Variants in DPF3 observed in about 807,000 individuals in gnomAD.
The protein encoded by DPF3 is zinc finger protein DPF3.
A neutral mutation model predicts 56.8 loss-of-function variants in DPF3; 18 were observed. The ratio of observed to expected loss-of-function variants is 0.32; its 90% CI spans 0.22 to 0.47. The LOEUF is 0.47. Among genes scored for constraint, DPF3 ranks in the 20% least tolerant of loss-of-function variants. The pLI, the probability that DPF3 is intolerant of heterozygous loss-of-function variation, is 1.00. For missense variants in DPF3, 403 were observed against 488.8 expected, an observed-to-expected ratio of 0.82 and a Z score of 1.65; for synonymous variants, 188 against 180.2, an observed-to-expected ratio of 1.04 and a Z score of -0.35.
At chr14:72,725,502 C>T (rs1305511496) in intron 4 of DPF3, among the ~76,000 whole-genome samples, 4 of 151,984 alleles carry the variant, frequency 2.6e-5, no homozygotes, top group Non-Finnish European at 5.9e-5. Flanking sequence ...GAGAGGAACA[C>T]GGCTTGTCCA....
chr14:72,875,770 G>A (rs1670735781), intron 1 of DPF3, among the ~76,000 whole-genome samples: 1 of 67,470 alleles, frequency 1.5e-5, no homozygotes, highest in African/African-American at 3.1e-5. Context: ...GGCATTTCTG[G>A]AAGGAAGTGG....
At chr14:72,777,369 C>T (rs562867509) in intron 1 of DPF3, among the ~76,000 whole-genome samples, 38 of 152,286 alleles carry the variant, frequency 2.5e-4, no homozygotes, top group East Asian at 5.8e-4. Flanking sequence ...TGGCAAGGTG[C>T]GGGAAAGTTT....
chr14:72,861,757 A>AAGAAAGAAAGAAAGAC (rs1885431579), intron 1 of DPF3, among the ~76,000 whole-genome samples: 1 of 146,646 alleles, frequency 6.8e-6, no homozygotes. Flanking sequence ...GAAAGAAAGA[A>AAGAAAGAAAGAAAGAC]AGAAAGAAAG....
chr14:72,826,934 C>T (rs1022689015), intron 1 of DPF3, among the ~76,000 whole-genome samples: 2 of 151,594 alleles, frequency 1.3e-5, no homozygotes, highest in African/African-American at 2.4e-5. Context: ...CCCAGCTACT[C>T]GGGAGGCTGA....
intron 6 of DPF3, among the ~76,000 whole-genome samples, chr14:72,699,226 T>G (rs1399967458): frequency 6.6e-6 from 1 of 151,982 alleles, no homozygotes; most frequent in Non-Finnish European, 1.5e-5. Context: ...TTTTAAAAAT[T>G]TGTTTAGAAA....
chr14:72,823,887 A>G (rs1472162610), intron 1 of DPF3, among the ~76,000 whole-genome samples: 1 of 152,210 alleles, frequency 6.6e-6, no homozygotes, highest in African/African-American at 2.4e-5. Context: ...TAGGGAGCTC[A>G]GAAAATGCTA....
intron 8 of DPF3, among the ~76,000 whole-genome samples, 170 bp from the exon 9 acceptor site, chr14:72,629,906 A>C (rs994759): frequency 0.47 from 71,643 of 152,000 alleles, 17,485 homozygotes; most frequent in East Asian, 0.83. Flanking sequence ...TTCACCACCC[A>C]GTTATTCAGA....
At chr14:72,743,466 A>T (rs1384668004) in intron 3 of DPF3, among the ~76,000 whole-genome samples, 1 of 152,120 alleles carries the variant, frequency 6.6e-6, no homozygotes, top group South Asian at 2.1e-4. Context: ...AATGAAGATA[A>T]TATCTGTCCT....
intron 1 of DPF3, among the ~76,000 whole-genome samples, chr14:72,787,679 A>G (rs1485401998): frequency 6.6e-6 from 1 of 152,220 alleles, no homozygotes; most frequent in Non-Finnish European, 1.5e-5. Context: ...TGCTTGGCTG[A>G]TAAATGATAA....
intron 8 of DPF3, 63 bp downstream of exon 8, chr14:72,674,177 G>A (rs1194410684): frequency 7.7e-6 from 12 of 1,551,714 alleles, no homozygotes; most frequent in Middle Eastern, 1.8e-4. Context: ...CAAGATGGAA[G>A]AGGAATGCAA....
At chr14:72,673,214 T>C (rs1886766753) in intron 8 of DPF3, among the ~76,000 whole-genome samples, 2 of 152,188 alleles carry the variant, frequency 1.3e-5, no homozygotes, top group Admixed American at 6.5e-5. Context: ...AGGAAAGAGC[T>C]GAGTTGCTAC....
At chr14:72,727,978 A>G (rs1173161609) in intron 4 of DPF3, among the ~76,000 whole-genome samples, 1 of 152,196 alleles carries the variant, frequency 6.6e-6, no homozygotes, top group Non-Finnish European at 1.5e-5. Context: ...TTCAGTTTAC[A>G]TAGGAGATGA....
At chr14:72,778,483 C>T (rs998597820) in intron 1 of DPF3, among the ~76,000 whole-genome samples, 1 of 152,218 alleles carries the variant, frequency 6.6e-6, no homozygotes, top group African/African-American at 2.4e-5. Flanking sequence ...AGAGCTCCCA[C>T]TGATTCTACA....
chr14:72,793,961 C>T (rs1286857939), intron 1 of DPF3, among the ~76,000 whole-genome samples: 4 of 152,196 alleles, frequency 2.6e-5, no homozygotes, highest in Non-Finnish European at 5.9e-5. Flanking sequence ...ATCCAAATGG[C>T]CAGTAAACAT....
At chr14:72,750,070 T>A (rs1890503167) in intron 3 of DPF3, among the ~76,000 whole-genome samples, 1 of 152,298 alleles carries the variant, frequency 6.6e-6, no homozygotes, top group South Asian at 2.1e-4. Context: ...GAATTCCAAC[T>A]ATCTCTTGGT....
intron 9 of DPF3, among the ~76,000 whole-genome samples, chr14:72,621,130 G>C (rs999300938): frequency 2.2e-5 from 3 of 137,296 alleles, no homozygotes. Flanking sequence ...AACTGAGTGA[G>C]ACTCTGTCTC....
At chr14:72,732,863 T>C (rs529253939) in intron 3 of DPF3, among the ~76,000 whole-genome samples, 19 of 152,176 alleles carry the variant, frequency 1.2e-4, no homozygotes, top group Admixed American at 1.1e-3. Flanking sequence ...CTCCTTTCTT[T>C]CTTTCCATTC....
At chr14:72,789,053 C>T (rs1395022408) in intron 1 of DPF3, among the ~76,000 whole-genome samples, 4 of 152,204 alleles carry the variant, frequency 2.6e-5, no homozygotes, top group Non-Finnish European at 5.9e-5. Context: ...GGTGTGGCTA[C>T]TTATTCGAAA....
At chr14:72,776,365 G>A (rs1034421867) in intron 1 of DPF3, among the ~76,000 whole-genome samples, 3 of 152,164 alleles carry the variant, frequency 2.0e-5, no homozygotes, top group African/African-American at 7.2e-5. Flanking sequence ...CAGCAGTGCT[G>A]GCTGCCTAGT....
Sources: gnomAD v4.1 joint callset for allele counts (sites outside exome capture counted in the v4.1 genomes callset) on GRCh38, gnomAD v4.1.1 for gene constraint, MANE v1.5 for transcripts, NCBI Gene and HGNC (gene_info 2026-07-23, HGNC 2026-07-21) for gene names.